The following NFAT5 variants were observed in gnomAD, a reference collection of about 807,000 sequenced individuals.
NFAT5 encodes the protein nuclear factor of activated T-cells 5.
A neutral mutation model predicts 166.5 loss-of-function variants in NFAT5; 31 were observed. That is an observed-to-expected ratio of 0.19 (90% CI 0.14 to 0.25). The LOEUF (loss-of-function observed/expected upper bound fraction) is 0.25. Ranked by LOEUF, NFAT5 falls within the 10% of genes least tolerant of loss-of-function variation. The pLI is 1.00. For missense variants in NFAT5, 1,449 were observed against 1,821.8 expected, an observed-to-expected ratio of 0.80 and a Z score of 3.72; for synonymous variants, 612 against 639.7, an observed-to-expected ratio of 0.96 and a Z score of 0.65.
At position 69,670,231 on chromosome 16, in the gene NFAT5, A is replaced by T. The variant is rs1049238171; in HGVS notation, c.1505-5A>T. 6.3e-7 allele frequency: 1 copy of T among 1,586,378 alleles called. No individual in the cohort carries two copies. The highest frequency in any genetic ancestry group is 8.6e-7 in the Non-Finnish European group (1 of 1,166,456). ...ATTTAATAAATCACTTTTTATTTCA[A>T]TCAGATGAAAACTCTTGGAAGTCAG... is the stretch of plus-strand genomic sequence containing the variant. On this transcript the variant is annotated splice_polypyrimidine_tract_variant and splice_region_variant and intron_variant, in intron 8 of 14. Coordinates refer to ENST00000349945, the MANE Select transcript of NFAT5 (RefSeq NM_138713.4).
At chr16:69,576,291 CAA>C (rs35557444) in intron 2 of NFAT5, among the ~76,000 whole-genome samples, 7 of 55,272 alleles carry the variant, frequency 1.3e-4, no homozygotes, top group East Asian at 5.7e-4. Context: ...GACTCGGTCT[CAA>C]AAAAAAAAAA....
In NFAT5 at chr16:69,626,414, G is replaced by GATCT. The variant is rs1377862176; in HGVS notation, c.140_143dup (p.Leu49SerfsTer12). On this transcript the variant is annotated frameshift_variant, in exon 3 of 15. Transcript: ENST00000349945. LOFTEE classifies it high-confidence loss of function. ...TCCCCTCCCCACAGAATCTGTCTAT[G>GATCT]ATCTTCTCCCAAAGGAGTTACAGTT... 1 of 1,573,312 alleles carries GATCT rather than the reference G, an allele frequency of 6.4e-7. No individual in the cohort carries two copies. Among genetic ancestry groups the GATCT allele is most frequent in the South Asian group, 1.2e-5 (1 of 84,148 alleles).
chr16:69,594,169 G>A (rs1017555792), intron 2 of NFAT5, among the ~76,000 whole-genome samples: 11 of 152,168 alleles, frequency 7.2e-5, no homozygotes, highest in African/African-American at 2.2e-4. Flanking sequence ...TAGGTAGTTC[G>A]ATCATGCATA....
intron 2 of NFAT5, among the ~76,000 whole-genome samples, chr16:69,602,506 G>A (rs1350850843): frequency 3.3e-5 from 5 of 151,426 alleles, no homozygotes. Context: ...GACCTCAGGT[G>A]ATCCGCCACC....
chr16:69,569,239 AAAT>A lies in NFAT5; in HGVS notation c.127+692_127+694del, dbSNP rs1200387748. 3.5e-3 allele frequency among the ~76,000 whole-genome samples: 539 copies of A among 152,190 alleles called. 3 individuals are homozygous for A. Among genetic ancestry groups the A allele is most frequent in the African/African-American group, 0.012 (512 of 41,540 alleles). ...AAGTGATTTCACATATATCATCTTT[AAAT>A]CTTTATAATTTTGGAATTGGACAGC... On this transcript the variant is annotated intron_variant, in intron 2 of 14. Transcript: ENST00000349945.
chr16:69,667,898 C>T (rs551772743), intron 7 of NFAT5, among the ~76,000 whole-genome samples: 39 of 152,148 alleles, frequency 2.6e-4, no homozygotes, highest in African/African-American at 9.4e-4. Flanking sequence ...GACCAATAAC[C>T]CTTTCCATTC....
In NFAT5 at chr16:69,647,324, T is replaced by C. The variant is rs770668167; in HGVS notation, c.550T>C (p.Leu184=). 4 of 1,614,164 alleles carry C rather than the reference T, an allele frequency of 2.5e-6. No homozygotes were observed. In the East Asian group the frequency reaches 6.7e-5, roughly 27 times the overall value. The stretch of plus-strand genomic sequence containing the variant: ...GTCCTGCCAGGATGAGGGGTGTGGA[T>C]TGGAATCTGAGCAGAGCTGCAGTAT... ...RMSCQDEGCG[L]ESEQSCSMWM... is the part of the protein sequence containing the mutation. Residue 184 remains leucine (L), a synonymous_variant, in exon 4 of 15, where the codon TTG becomes CTG. Transcript: ENST00000349945. This position sits in a 1 kb window ranked among gnomAD's most constrained non-coding sequence, Gnocchi z 4.8.
At chr16:69,629,560 C>T (rs1185707598) in intron 3 of NFAT5, among the ~76,000 whole-genome samples, 2 of 152,014 alleles carry the variant, frequency 1.3e-5, no homozygotes, top group African/African-American at 4.8e-5. Context: ...CTCCCCTCTT[C>T]ATGGGGCCAA....
chr16:69,674,830 C>G (rs1324631091), intron 9 of NFAT5, among the ~76,000 whole-genome samples: 3 of 152,152 alleles, frequency 2.0e-5, no homozygotes, highest in Admixed American at 1.3e-4. Context: ...AGATTATCTG[C>G]TAGGGAAAAA....
At chr16:69,690,312 T>G (rs902283386) in intron 11 of NFAT5, among the ~76,000 whole-genome samples, 1 of 152,124 alleles carries the variant, frequency 6.6e-6, no homozygotes, top group Non-Finnish European at 1.5e-5. Context: ...TAGCCCTTAT[T>G]TCTGGGGAAA....
chr16:69,655,707 T>A lies in NFAT5; in HGVS notation c.1104T>A (p.Thr368=). The A allele has an allele frequency of 6.2e-7, 1 of 1,614,010 alleles. No individual in the cohort carries two copies. The highest frequency in any genetic ancestry group is 8.5e-7 in the Non-Finnish European group (1 of 1,179,936). Residue 368 remains threonine, a synonymous_variant, in exon 6 of 15, where the codon ACT becomes ACA. Transcript: ENST00000349945. The stretch of plus-strand genomic sequence containing the variant: ...GATTTTATCAGGCCTGCAGAGTAAC[T>A]GGACGAAATACAACTCCTTGCAAAG... ...PHGFYQACRV[T]GRNTTPCKEV...
At chr16:69,610,719 A>C (rs149615408) in intron 2 of NFAT5, among the ~76,000 whole-genome samples, 1 of 152,244 alleles carries the variant, frequency 6.6e-6, no homozygotes, top group Non-Finnish European at 1.5e-5. Flanking sequence ...TACACCAAAT[A>C]CTTTCACCAC....
intron 10 of NFAT5, among the ~76,000 whole-genome samples, chr16:69,678,662 C>G (rs977589845): frequency 7.2e-5 from 11 of 152,300 alleles, no homozygotes; most frequent in African/African-American, 2.6e-4. Flanking sequence ...TTTGCATGCT[C>G]CATTGACCTA....
In NFAT5 at chr16:69,692,917, A is replaced by G. The variant is rs1235407076; in HGVS notation, c.3092A>G (p.His1031Arg). 5 of 1,614,220 alleles carry G rather than the reference A, an allele frequency of 3.1e-6. No homozygotes were observed. Among genetic ancestry groups the G allele is most frequent in the Admixed American group, 3.3e-5 (2 of 60,026 alleles). ...SVFQTMVQMQ[H>R]SGDNQPQVNL... ...TTTCAGACCATGGTCCAAATGCAAC[A>G]TAGTGGGGACAATCAACCTCAAGTT... Residue 1031 changes from histidine to arginine, a missense_variant, in exon 13 of 15, where the codon CAT becomes CGT. His to Arg is a conservative substitution (Grantham distance 29). Coordinates refer to ENST00000349945, the MANE Select transcript of NFAT5 (RefSeq NM_138713.4).
chr16:69,656,140 G>T (rs1175467017), intron 6 of NFAT5, among the ~76,000 whole-genome samples: 2 of 152,082 alleles, frequency 1.3e-5, no homozygotes, highest in East Asian at 3.9e-4. Flanking sequence ...AATTAGCTGG[G>T]TGTGGTGGCA....
intron 3 of NFAT5, among the ~76,000 whole-genome samples, chr16:69,637,321 A>G (rs773239038): frequency 6.6e-6 from 1 of 152,106 alleles, no homozygotes; most frequent in African/African-American, 2.4e-5. Flanking sequence ...GAGCCCTCCA[A>G]ACTGTTCCAA....
chr16:69,633,322 TAC>T (rs528598778), intron 3 of NFAT5, among the ~76,000 whole-genome samples: 312 of 152,324 alleles, frequency 2.0e-3, no homozygotes, highest in Non-Finnish European at 3.9e-3. Context: ...AGAAAATAGA[TAC>T]AGTTACTGAT....
chr16:69,621,695 G>A (rs976195063), intron 2 of NFAT5, among the ~76,000 whole-genome samples: 3 of 152,192 alleles, frequency 2.0e-5, no homozygotes, highest in Admixed American at 2.0e-4. Flanking sequence ...TGGGCCAGGT[G>A]CAGCTCATGT....
At position 69,670,307 on chromosome 16, in the gene NFAT5, TTA is replaced by T; in HGVS notation, c.1557+22_1557+23del. The T allele has an allele frequency of 6.6e-7, 1 of 1,526,170 alleles. No individual in the cohort carries two copies. The highest frequency in any genetic ancestry group is 9.0e-7 in the Non-Finnish European group (1 of 1,117,230). The allele number at this position is 1,526,170 out of a possible 1,614,324, so 94.5% of individuals were successfully genotyped here. On this transcript the variant is annotated intron_variant, in intron 9 of 14. Coordinates refer to ENST00000349945, the MANE Select transcript of NFAT5 (RefSeq NM_138713.4). ...TCATCAGGTAAAATTTAAGCTTTTT[TTA>T]TAATTTGGTTATTTACTCTCTGAGC... is the stretch of plus-strand genomic sequence containing the variant.
Sources: gnomAD v4.1 joint callset for allele counts (sites outside exome capture counted in the v4.1 genomes callset) on GRCh38, gnomAD v4.1.1 for gene constraint, Gnocchi (gnomAD v3.1) non-coding constraint, MANE v1.5 for transcripts, NCBI Gene and HGNC (gene_info 2026-07-23, HGNC 2026-07-21) for gene names.